The following TMC1 variants were observed in gnomAD, a reference collection of about 807,000 sequenced individuals.
TMC1 encodes transmembrane channel-like protein 1.
In TMC1, 84 loss-of-function variants were observed where a neutral mutation model predicts 105.8. The observed-to-expected ratio is 0.79, with a 90% CI of 0.67 to 0.95. The LOEUF (loss-of-function observed/expected upper bound fraction) is 0.95, where lower values mean the gene tolerates loss of function less well. TMC1 is among the 40% of genes least tolerant of loss of function. The pLI is 0.00. For synonymous variants in TMC1, 315 were observed against 311.5 expected, an observed-to-expected ratio of 1.01 and a Z score of -0.12; for missense variants, 817 against 914.1, an observed-to-expected ratio of 0.89 and a Z score of 1.37.
chr9:72,824,322 G>A lies in TMC1; in HGVS notation c.2004-2547G>A, dbSNP rs1253639686. Among the ~76,000 whole-genome samples the A allele has an allele frequency of 2.6e-5, 4 of 152,258 alleles. No individual in the cohort carries two copies. The South Asian group carries it at 8.3e-4, about 31-fold the overall frequency. ...CTCAGTTGGCCCCTTGCCTCATCAT[G>A]TGGGGCAGCTGCCCTCCACTGGAGA... On this transcript the variant is annotated intron_variant, in intron 20 of 23. Transcript: ENST00000297784.
chr9:72,606,126 T>G lies in TMC1; in HGVS notation c.-305-10242T>G, dbSNP rs1486816774. ...CATGAGGTTGTAGTCAGCTGTCAGT[T>G]GGGGCTGCAATCTCATCTGATGGAT... On this transcript the variant is annotated intron_variant, in intron 2 of 23. Coordinates refer to ENST00000297784, the MANE Select transcript of TMC1 (RefSeq NM_138691.3). Among the ~76,000 whole-genome samples, 5 of 152,270 alleles carry G rather than the reference T, an allele frequency of 3.3e-5. No individual in the cohort carries two copies. The East Asian group carries it at 9.7e-4, about 29-fold the overall frequency.
chr9:72,649,058 C>T (rs1044583956), intron 5 of TMC1, among the ~76,000 whole-genome samples: 1 of 152,098 alleles, frequency 6.6e-6, no homozygotes, highest in Non-Finnish European at 1.5e-5. Context: ...GTTCTGCTTC[C>T]GTTTATGAGT....
At chr9:72,813,864 G>C (rs1828741391) in intron 18 of TMC1, among the ~76,000 whole-genome samples, 1 of 152,164 alleles carries the variant, frequency 6.6e-6, no homozygotes, top group African/African-American at 2.4e-5. Flanking sequence ...TCAAATGTCT[G>C]TTCTACAAAT....
chr9:72,692,216 A>G (rs1445995862), intron 6 of TMC1, among the ~76,000 whole-genome samples: 1 of 152,174 alleles, frequency 6.6e-6, no homozygotes, highest in African/African-American at 2.4e-5. Flanking sequence ...CAAGACAGAA[A>G]CCAGTCCTTT....
intron 5 of TMC1, among the ~76,000 whole-genome samples, chr9:72,652,761 A>T (rs991032044): frequency 6.6e-6 from 1 of 152,212 alleles, no homozygotes; most frequent in Non-Finnish European, 1.5e-5. Flanking sequence ...TTTTCCTTCA[A>T]TGTATCAATA....
At chr9:72,709,487 TG>T (rs1325475943) in intron 8 of TMC1, among the ~76,000 whole-genome samples, 3 of 152,174 alleles carry the variant, frequency 2.0e-5, no homozygotes, top group African/African-American at 7.2e-5. Context: ...GACTTTTTTT[TG>T]TTGGTAATTT....
intron 2 of TMC1, among the ~76,000 whole-genome samples, chr9:72,584,671 T>G (rs114154246): frequency 6.6e-6 from 1 of 152,218 alleles, no homozygotes; most frequent in African/African-American, 2.4e-5. Flanking sequence ...CAAGTTTATT[T>G]AGAGGTGAGG....
intron 5 of TMC1, among the ~76,000 whole-genome samples, chr9:72,665,244 C>G (rs1663753): frequency 0.24 from 36,656 of 152,070 alleles, 4,757 homozygotes; most frequent in East Asian, 0.38. Context: ...GTATGAGGTA[C>G]TTGAATAATG....
At chr9:72,628,220 C>A in intron 4 of TMC1, 157 bp downstream of exon 4, 1 of 337,154 alleles carries the variant, frequency 3.0e-6, no homozygotes, top group South Asian at 2.3e-5. Context: ...TCTAAGCTGT[C>A]ACTTGAAGGG....
intron 4 of TMC1, among the ~76,000 whole-genome samples, chr9:72,641,338 C>T (rs926390762): frequency 2.0e-5 from 3 of 152,188 alleles, no homozygotes; most frequent in African/African-American, 7.2e-5. Flanking sequence ...AGTGATCCAC[C>T]TGCCTTGGCC....
intron 4 of TMC1, among the ~76,000 whole-genome samples, chr9:72,632,275 C>T (rs1324322905): frequency 1.3e-5 from 2 of 152,162 alleles, no homozygotes; most frequent in African/African-American, 4.8e-5. Context: ...ACTCACTTAT[C>T]ATGAGGACAG....
chr9:72,764,621 T>C (rs2118099945), intron 12 of TMC1, among the ~76,000 whole-genome samples: 1 of 152,284 alleles, frequency 6.6e-6, no homozygotes, highest in African/African-American at 2.4e-5. Context: ...CGTTACTGTC[T>C]TGGATGATTT....
chr9:72,536,841 A>G (rs1325114022), intron 1 of TMC1, among the ~76,000 whole-genome samples: 1 of 152,064 alleles, frequency 6.6e-6, no homozygotes, highest in Non-Finnish European at 1.5e-5. Context: ...TGGCTCTATA[A>G]TTCTGGGGTC....
chr9:72,658,872 CAG>C lies in TMC1; in HGVS notation c.16+10209_16+10210del, dbSNP rs1385679822. 2.0e-5 allele frequency among the ~76,000 whole-genome samples: 3 copies of C among 152,068 alleles called. No homozygotes were observed. In the East Asian group the frequency reaches 5.8e-4, roughly 29 times the overall value. On this transcript the variant is annotated intron_variant, in intron 5 of 23. Transcript: ENST00000297784. ...ATAAATCATAGAGTGAAGATTCCCTCAGGGAAAAAGGGAGTGGTTCTGAAGAA... is the reference window on the plus strand; with the variant it reads ...ATAAATCATAGAGTGAAGATTCCCTCGGAAAAAGGGAGTGGTTCTGAAGAA...
chr9:72,766,187 G>T (rs1394104032), intron 12 of TMC1, among the ~76,000 whole-genome samples: 2 of 151,942 alleles, frequency 1.3e-5, no homozygotes, highest in African/African-American at 4.8e-5. Flanking sequence ...GGAGGCCGAG[G>T]TGGGTGGATC....
At chr9:72,563,775 C>T (rs1824098358) in intron 1 of TMC1, among the ~76,000 whole-genome samples, 1 of 151,792 alleles carries the variant, frequency 6.6e-6, no homozygotes, top group East Asian at 1.9e-4. Context: ...TGGCGGGTGC[C>T]TGTAATCCCA....
At chr9:72,802,370 A>T (rs1828490127) in intron 17 of TMC1, among the ~76,000 whole-genome samples, 1 of 151,050 alleles carries the variant, frequency 6.6e-6, no homozygotes, top group Non-Finnish European at 1.5e-5. Context: ...GAATACTATC[A>T]TTCATTCATT....
rs876658020 is a variant in TMC1 at position 72,772,556 on chromosome 9, G to GT, written c.884+2dup. On this transcript the variant is annotated splice_donor_variant, in intron 13 of 23. Coordinates refer to ENST00000297784, the MANE Select transcript of TMC1 (RefSeq NM_138691.3). LOFTEE classifies it high-confidence loss of function. ...ACAGCTTTCTGGTTGTCCTCAAAGC[G>GT]TAAGTTTCATTTGTCTTTTGGGAAG... 4 of 1,613,744 alleles carry GT rather than the reference G, an allele frequency of 2.5e-6. No individual in the cohort carries two copies. In the East Asian group the frequency reaches 8.9e-5, roughly 36 times the overall value.
intron 21 of TMC1, among the ~76,000 whole-genome samples, 162 bp from the exon 22 acceptor site, chr9:72,830,289 C>T (rs1829018598): frequency 6.6e-6 from 1 of 152,178 alleles, no homozygotes; most frequent in Non-Finnish European, 1.5e-5. Flanking sequence ...CTTTACCTCT[C>T]TGGACCTCAG....
Sources: gnomAD v4.1 joint callset for allele counts (sites outside exome capture counted in the v4.1 genomes callset) on GRCh38, gnomAD v4.1.1 for gene constraint, MANE v1.5 for transcripts, NCBI Gene and HGNC (gene_info 2026-07-23, HGNC 2026-07-21) for gene names.